Variants in ISX observed in about 807,000 individuals in gnomAD.
ISX encodes the protein intestine-specific homeobox.
Under a neutral mutation model 16.9 loss-of-function variants are expected in ISX, and 15 were observed. That is an observed-to-expected ratio of 0.89 (90% confidence interval 0.59 to 1.36). The LOEUF (loss-of-function observed/expected upper bound fraction) is 1.36. Ranked by LOEUF, ISX falls within the 40% of genes most tolerant of loss-of-function variation. ISX has a pLI of 0.00. For missense variants in ISX, 316 were observed against 306.1 expected, an observed-to-expected ratio of 1.03 and a Z score of -0.24; for synonymous variants, 125 against 119.7, an observed-to-expected ratio of 1.04 and a Z score of -0.29.
chr22:35,085,872 A>C lies in ISX; in HGVS notation c.*179A>C. 1 of 675,590 alleles carries C rather than the reference A, an allele frequency of 1.5e-6. No individual in the cohort carries two copies. Among genetic ancestry groups the C allele is most frequent in the Non-Finnish European group, 2.5e-6 (1 of 397,724 alleles). The allele number at this position is 675,590 out of a possible 1,614,324, so 41.8% of individuals were successfully genotyped here. On this transcript the variant is annotated 3_prime_UTR_variant, in exon 5 of 5. Coordinates refer to ENST00000404699, the MANE Select transcript of ISX (RefSeq NM_001303508.2). ...ACCAGACTCAAAAGCAAACTAAACA[A>C]TAAAGGACAGCTCTCTTCTCTCCTG...
chr22:35,085,958 A>G lies in ISX; in HGVS notation c.*265A>G. ...GATGAGATCTCAGGCCGAGCTCTGA[A>G]ATAGGGAGGTAATCCTCCAGCACCT... On this transcript the variant is annotated 3_prime_UTR_variant, in exon 5 of 5. Transcript: ENST00000404699. 1.9e-6 allele frequency: 1 copy of G among 516,952 alleles called. No individual in the cohort carries two copies. The highest frequency in any genetic ancestry group is 3.5e-6 in the Non-Finnish European group (1 of 285,360). 32.0% of individuals were successfully genotyped at this position (516,952 alleles called of 1,614,324 possible). A position where few individuals can be genotyped will look rare whatever the true frequency, so the allele number is the denominator to read the frequency against.
At chr22:35,079,115 C>T (rs367867493) in intron 2 of ISX, among the ~76,000 whole-genome samples, 5 of 152,200 alleles carry the variant, frequency 3.3e-5, no homozygotes, top group Admixed American at 2.0e-4. Context: ...AGAAAGAAAA[C>T]AAGTTAGTTG....
At position 35,082,635 on chromosome 22, in the gene ISX, C is replaced by A; in HGVS notation, c.347C>A (p.Ala116Glu). 6.2e-7 allele frequency: 1 copy of A among 1,614,160 alleles called. No homozygotes were observed. Among genetic ancestry groups the A allele is most frequent in the Non-Finnish European group, 8.5e-7 (1 of 1,180,018 alleles). ...YPDVHIRSQL[A>E]ARINLPEARV... Reference sequence around the variant, plus strand: ...GACGTTCACATCCGCAGCCAGCTGGCAGCCAGGATCAACCTCCCAGAAGCT... The same window carrying A: ...GACGTTCACATCCGCAGCCAGCTGGAAGCCAGGATCAACCTCCCAGAAGCT... Residue 116 changes from alanine to glutamate, a missense_variant, in exon 3 of 5, where the codon GCA (alanine) becomes GAA (glutamate). Physicochemically the swap from Ala to Glu is moderately radical, Grantham distance 107 (BLOSUM62 -1). Transcript: ENST00000404699.
At chr22:35,076,524 G>A (rs1928984814) in intron 2 of ISX, among the ~76,000 whole-genome samples, 1 of 152,178 alleles carries the variant, frequency 6.6e-6, no homozygotes, top group African/African-American at 2.4e-5. Flanking sequence ...GTGTCAGGAG[G>A]TGTCCCCAGC....
chr22:35,072,696 T>C (rs570078695), intron 2 of ISX, among the ~76,000 whole-genome samples: 1 of 152,224 alleles, frequency 6.6e-6, no homozygotes, highest in East Asian at 1.9e-4. Flanking sequence ...CACTGTATTA[T>C]TTATCCAGAC....
At chr22:35,077,106 GT>G (rs1252646732) in intron 2 of ISX, among the ~76,000 whole-genome samples, 10 of 152,182 alleles carry the variant, frequency 6.6e-5, no homozygotes, top group Admixed American at 5.9e-4. Flanking sequence ...CCTCAGAAGT[GT>G]CCCCTCTTAG....
In ISX at chr22:35,069,267, A is replaced by G. The variant is rs1021409605; in HGVS notation, c.229+1951A>G. 2.6e-5 allele frequency among the ~76,000 whole-genome samples: 4 copies of G among 152,254 alleles called. No individual in the cohort carries two copies. In the South Asian group the frequency reaches 6.2e-4, roughly 24 times the overall value. On this transcript the variant is annotated intron_variant, in intron 2 of 4. Coordinates refer to ENST00000404699, the MANE Select transcript of ISX (RefSeq NM_001303508.2). Reference sequence around the variant, plus strand: ...GCTAAACAAATAATACAGATGGGATATGAACTTGCCAGAAACTATATAAAA... The same window carrying G: ...GCTAAACAAATAATACAGATGGGATGTGAACTTGCCAGAAACTATATAAAA...
At chr22:35,085,064 T>C (rs1929216078) in intron 4 of ISX, among the ~76,000 whole-genome samples, 2 of 151,998 alleles carry the variant, frequency 1.3e-5, no homozygotes, top group African/African-American at 4.8e-5. Context: ...AAATAGACAA[T>C]ACTTCCCTGC....
Position 35,085,828 on chromosome 22 carries a change from A to C in ISX, c.*135A>C. On this transcript the variant is annotated 3_prime_UTR_variant, in exon 5 of 5. Coordinates refer to ENST00000404699, the MANE Select transcript of ISX (RefSeq NM_001303508.2). ...CACAGCCCAGGAAGCTACCCTGAAC[A>C]TGCCAGTTGGAAGGCTGCACCAGAC... 2 of 1,092,986 alleles carry C rather than the reference A, an allele frequency of 1.8e-6. No individual in the cohort carries two copies. Among genetic ancestry groups the C allele is most frequent in the East Asian group, 2.4e-5 (1 of 40,930 alleles). 67.7% of individuals were successfully genotyped at this position (1,092,986 alleles called of 1,614,324 possible). A position where few individuals can be genotyped will look rare whatever the true frequency, so the allele number is the denominator to read the frequency against.
At chr22:35,085,380 A>T in intron 4 of ISX, 74 bp from the exon 5 acceptor site, 4 of 1,583,602 alleles carry the variant, frequency 2.5e-6, no homozygotes, top group Non-Finnish European at 3.5e-6. Flanking sequence ...TGCCCAAGCC[A>T]TGGAGGGAAA....
At chr22:35,069,249 A>C (rs2066393864) in intron 2 of ISX, among the ~76,000 whole-genome samples, 1 of 152,240 alleles carries the variant, frequency 6.6e-6, no homozygotes, top group African/African-American at 2.4e-5. Flanking sequence ...AATGCTAAAC[A>C]AATAATACAG....
At chr22:35,070,740 G>A (rs1035202923) in intron 2 of ISX, among the ~76,000 whole-genome samples, 49 of 152,212 alleles carry the variant, frequency 3.2e-4, no homozygotes, top group African/African-American at 1.2e-3. Context: ...TGCCACCTTG[G>A]GGCAGTGCTG....
At chr22:35,081,932 A>G (rs1169860616) in intron 2 of ISX, among the ~76,000 whole-genome samples, 1 of 152,232 alleles carries the variant, frequency 6.6e-6, no homozygotes, top group Non-Finnish European at 1.5e-5. Context: ...CCTGGGTAGA[A>G]TGGAGGCTGG....
In ISX at chr22:35,077,240, A is replaced by G. The variant is rs533895670; in HGVS notation, c.230-5278A>G. On this transcript the variant is annotated intron_variant, in intron 2 of 4. Transcript: ENST00000404699. ...TCTAATAACGAGTTTCCAAAATTCTACATGCTGAACTGCATTCTACCTTCT... is the reference window on the plus strand; with the variant it reads ...TCTAATAACGAGTTTCCAAAATTCTGCATGCTGAACTGCATTCTACCTTCT... Among the ~76,000 whole-genome samples, 7 of 152,318 alleles carry G rather than the reference A, an allele frequency of 4.6e-5. No homozygotes were observed. The East Asian group carries it at 1.3e-3, about 29-fold the overall frequency.
At chr22:35,083,132 A>G (rs943606389) in intron 3 of ISX, among the ~76,000 whole-genome samples, 1 of 152,198 alleles carries the variant, frequency 6.6e-6, no homozygotes, top group African/African-American at 2.4e-5. Context: ...ATATGTAAAC[A>G]CACTTTATTT....
intron 2 of ISX, among the ~76,000 whole-genome samples, chr22:35,076,507 C>T (rs1928984180): frequency 6.6e-6 from 1 of 152,170 alleles, no homozygotes; most frequent in African/African-American, 2.4e-5. Context: ...CCGCACCCCA[C>T]CTTCGTGTGT....
At chr22:35,068,852 G>C (rs1027407314) in intron 2 of ISX, among the ~76,000 whole-genome samples, 30 of 152,276 alleles carry the variant, frequency 2.0e-4, no homozygotes, top group African/African-American at 7.2e-4. Flanking sequence ...TGTCACACTT[G>C]GGAGCCCAAC....
At position 35,084,414 on chromosome 22, in the gene ISX, G is replaced by C; in HGVS notation, c.413G>C (p.Arg138Pro). 3.7e-6 allele frequency: 6 copies of C among 1,613,974 alleles called. No homozygotes were observed. The highest frequency in any genetic ancestry group is 1.1e-5 in the South Asian group (1 of 91,046). ...TTCCAGAATCAGCGAGCCAAGTGGC[G>C]GAAGCAGGAGAAGATTGGCAACCTG... is the stretch of plus-strand genomic sequence containing the variant. ...IWFQNQRAKWRKQEKIGNLGA... is the reference protein window; with the variant it reads ...IWFQNQRAKWPKQEKIGNLGA... The change falls in exon 4 of 5, where the codon CGG becomes CCG. Residue 138 changes from arginine (R) to proline (P), a missense_variant. Transcript: ENST00000404699.
At chr22:35,078,421 C>T (rs1165130902) in intron 2 of ISX, among the ~76,000 whole-genome samples, 1 of 152,102 alleles carries the variant, frequency 6.6e-6, no homozygotes, top group Non-Finnish European at 1.5e-5. Flanking sequence ...CAGCTATATC[C>T]CTTAAACACA....
Sources: gnomAD v4.1 joint callset for allele counts (sites outside exome capture counted in the v4.1 genomes callset) on GRCh38, gnomAD v4.1.1 for gene constraint, MANE v1.5 for transcripts, NCBI Gene and HGNC (gene_info 2026-07-23, HGNC 2026-07-21) for gene names.